The following CYFIP1 variants were observed in gnomAD, a reference collection of about 807,000 sequenced individuals.
The protein encoded by CYFIP1 is cytoplasmic FMR1 interacting protein 1.
In CYFIP1, 58 loss-of-function variants were observed where a neutral mutation model predicts 163.5. That is an observed-to-expected ratio of 0.35 (90% CI 0.29 to 0.44). The LOEUF is 0.44. Ranked by LOEUF, CYFIP1 falls within the 20% of genes least tolerant of loss-of-function variation. The pLI, the probability that CYFIP1 is intolerant of heterozygous loss-of-function variation, is 1.00. For synonymous variants in CYFIP1, 663 were observed against 660.7 expected, an observed-to-expected ratio of 1.00 and a Z score of -0.05; for missense variants, 1,338 against 1,653.8, an observed-to-expected ratio of 0.81 and a Z score of 3.31.
At chr15:22,916,046 C>T (rs983162475) in intron 16 of CYFIP1, among the ~76,000 whole-genome samples, 7 of 152,074 alleles carry the variant, frequency 4.6e-5, no homozygotes, top group African/African-American at 1.4e-4. Context: ...GGGCAGAGAG[C>T]GCACCCACCG....
chr15:22,940,971 C>T (rs141329862), intron 6 of CYFIP1, among the ~76,000 whole-genome samples: 31 of 152,252 alleles, frequency 2.0e-4, no homozygotes, highest in African/African-American at 6.7e-4. Context: ...ATCCAGGAGA[C>T]GCAGAGGTTG....
chr15:22,878,621 CA>C (rs886584350), intron 26 of CYFIP1, among the ~76,000 whole-genome samples: 1 of 147,208 alleles, frequency 6.8e-6, no homozygotes, highest in African/African-American at 2.5e-5. Flanking sequence ...GACCCCAAGG[CA>C]GGGAAAACAT....
intron 1 of CYFIP1, among the ~76,000 whole-genome samples, chr15:22,964,242 A>C (rs994039244): frequency 5.8e-4 from 64 of 110,190 alleles, no homozygotes; most frequent in Admixed American, 8.2e-4. Flanking sequence ...ACCCTACCCC[A>C]CCCCCATGCA....
chr15:22,974,942 C>G (rs1020987899), intron 1 of CYFIP1, among the ~76,000 whole-genome samples: 2 of 150,642 alleles, frequency 1.3e-5, no homozygotes, highest in Admixed American at 6.6e-5. Context: ...TTTGCCACCC[C>G]CAAGACAGCA....
chr15:22,869,972 ATAGTT>A lies in CYFIP1; in HGVS notation c.*51_*55del, dbSNP rs1407914175. ...AAATAGTCCCTAAAAATCTCACTAA[ATAGTT>A]TACGGAGAGAAAGGCATGCCATGTT... is the stretch of plus-strand genomic sequence containing the variant. On this transcript the variant is annotated 3_prime_UTR_variant, in exon 31 of 31. Transcript: ENST00000617928. The A allele has an allele frequency of 4.7e-6, 7 of 1,479,598 alleles. No individual in the cohort carries two copies. The highest frequency in any genetic ancestry group is 2.9e-5 in the African/African-American group (2 of 69,058). The allele number at this position is 1,479,598 out of a possible 1,614,324, so 91.7% of individuals were successfully genotyped here.
intron 11 of CYFIP1, among the ~76,000 whole-genome samples, chr15:22,928,910 G>A (rs982150538): frequency 7.9e-5 from 12 of 151,636 alleles, no homozygotes; most frequent in African/African-American, 2.2e-4. Flanking sequence ...TAAACACCAC[G>A]GTGTGACTTA....
Position 22,932,043 on chromosome 15 carries a change from G to C in CYFIP1, c.1110+180C>G, listed in dbSNP as rs563374338. Among the ~76,000 whole-genome samples, 3 of 152,332 alleles carry C rather than the reference G, an allele frequency of 2.0e-5. No individual in the cohort carries two copies. In the South Asian group the frequency reaches 6.2e-4, roughly 32 times the overall value. The stretch of plus-strand genomic sequence containing the variant: ...CAGGCTAGCATGAGGACACGATGAC[G>C]TTCCCACAATGATGAAACTGCCTAA... On this transcript the variant is annotated intron_variant, in intron 11 of 30. Transcript: ENST00000617928.
intron 23 of CYFIP1, among the ~76,000 whole-genome samples, chr15:22,888,983 T>C (rs1266902126): frequency 6.6e-6 from 1 of 150,976 alleles, no homozygotes; most frequent in African/African-American, 2.4e-5. Flanking sequence ...CACTGGAGGT[T>C]GCAGTGAGGC....
At chr15:22,920,537 T>C (rs1163190501) in intron 13 of CYFIP1, among the ~76,000 whole-genome samples, 1 of 129,136 alleles carries the variant, frequency 7.7e-6, no homozygotes, top group African/African-American at 2.8e-5. Context: ...ATGGCTTATA[T>C]GATTTTGGTG....
intron 9 of CYFIP1, among the ~76,000 whole-genome samples, chr15:22,936,078 CCTGGGCAACATAGGGAGATCT>C (rs1186537596): frequency 6.6e-6 from 1 of 152,000 alleles, no homozygotes; most frequent in African/African-American, 2.4e-5. Flanking sequence ...TCGAGACCAG[CCTGGGCAACATAGGGAGATCT>C]CGTTGCTACT....
At chr15:22,904,744 A>G (rs2060513020) in intron 21 of CYFIP1, 3 of 152,208 alleles carry the variant, frequency 2.0e-5, no homozygotes, top group Admixed American at 2.0e-4. Context: ...ATGCCAACAG[A>G]AACACCATGG....
At position 22,950,056 on chromosome 15, in the gene CYFIP1, A is replaced by C. The variant is rs1274878898; in HGVS notation, c.-6-2765T>G. Reference sequence around the variant, plus strand: ...TTAGAATAAATTAAAACAGAATACTATGTTTTTAAAAACCTAAAAGGAAAT... The same window carrying C: ...TTAGAATAAATTAAAACAGAATACTCTGTTTTTAAAAACCTAAAAGGAAAT... On this transcript the variant is annotated intron_variant, in intron 1 of 30. Coordinates refer to ENST00000617928, the MANE Select transcript of CYFIP1 (RefSeq NM_014608.6). Among the ~76,000 whole-genome samples the C allele has an allele frequency of 3.9e-5, 6 of 152,214 alleles. No homozygotes were observed. The East Asian group carries it at 1.2e-3, about 29-fold the overall frequency.
rs971256018 is a variant in CYFIP1, at chr15:22,869,565, T to G, written c.*463A>C. Reference sequence around the variant, plus strand: ...GAAGCAGGGGAATCAAGTTCACTATTTTCTGAAACACACAAAAAAGGGATG... The same window carrying G: ...GAAGCAGGGGAATCAAGTTCACTATGTTCTGAAACACACAAAAAAGGGATG... On this transcript the variant is annotated 3_prime_UTR_variant, in exon 31 of 31. Transcript: ENST00000617928. 6.5e-6 allele frequency: 1 copy of G among 152,742 alleles called. No individual in the cohort carries two copies. The highest frequency in any genetic ancestry group is 1.5e-5 in the Non-Finnish European group (1 of 68,468). 9.5% of individuals were successfully genotyped at this position (152,742 alleles called of 1,614,324 possible). A position where few individuals can be genotyped will look rare whatever the true frequency, so the allele number is the denominator to read the frequency against.
chr15:22,892,870 A>C lies in CYFIP1; in HGVS notation c.2676+20T>G, dbSNP rs755042542. 1 of 1,585,338 alleles carries C rather than the reference A, an allele frequency of 6.3e-7. No homozygotes were observed. Among genetic ancestry groups the C allele is most frequent in the Non-Finnish European group, 8.7e-7 (1 of 1,155,294 alleles). ...TCATTATGAGCTTCAAGCTCGTAAC[A>C]CGAACACATTGGAGCCTACCTTGGA... On this transcript the variant is annotated intron_variant, in intron 23 of 30. Transcript: ENST00000617928.
chr15:22,869,834 G>T lies in CYFIP1; in HGVS notation c.*194C>A. ...CAATCAGCAGCCAATATTCTCAAGA[G>T]TTCCTAATTACCAAAAGCATATACA... On this transcript the variant is annotated 3_prime_UTR_variant, in exon 31 of 31. Coordinates refer to ENST00000617928, the MANE Select transcript of CYFIP1 (RefSeq NM_014608.6). 1 of 459,258 alleles carries T rather than the reference G, an allele frequency of 2.2e-6. No homozygotes were observed. 28.4% of individuals were successfully genotyped at this position (459,258 alleles called of 1,614,324 possible). A position where few individuals can be genotyped will look rare whatever the true frequency, so the allele number is the denominator to read the frequency against.
Position 22,909,276 on chromosome 15 carries a change from G to C in CYFIP1, c.2306C>G (p.Thr769Ser). The C allele has an allele frequency of 6.2e-7, 1 of 1,614,182 alleles. No individual in the cohort carries two copies. Among genetic ancestry groups the C allele is most frequent in the Middle Eastern group, 1.6e-4 (1 of 6,062 alleles). ...GRSIDLNRLI[T>S]QRVSAAMYKS... ...ATACATGGCTGCTGAGACGCGCTGG[G>C]TGATCAGACGATTGAGGTCTATTGA... The change falls in exon 21 of 31, where the codon ACC becomes AGC. Residue 769 changes from threonine to serine, a missense_variant. Thr to Ser is a moderately conservative substitution (Grantham distance 58, BLOSUM62 1). Around this residue, in one of 4 missense-constraint regions of CYFIP1, gnomAD observed 824 missense variants for 995.7 expected, o/e 0.83. Transcript: ENST00000617928.
intron 1 of CYFIP1, among the ~76,000 whole-genome samples, chr15:22,967,543 C>A (rs949628242): frequency 5.9e-5 from 9 of 152,184 alleles, no homozygotes; most frequent in Non-Finnish European, 1.0e-4. Context: ...TTCACACACA[C>A]TTCCAGGGCC....
At chr15:22,921,094 G>A (rs2061160956) in intron 13 of CYFIP1, among the ~76,000 whole-genome samples, 1 of 152,154 alleles carries the variant, frequency 6.6e-6, no homozygotes. Context: ...AAGCACCCGG[G>A]CGCAGTGGCT....
chr15:22,889,757 A>T (rs989776377), intron 23 of CYFIP1, among the ~76,000 whole-genome samples: 2 of 152,142 alleles, frequency 1.3e-5, no homozygotes, highest in Admixed American at 6.5e-5. Context: ...AACCTACTTT[A>T]TTGTTATGCC....
Sources: gnomAD v4.1 joint callset for allele counts (sites outside exome capture counted in the v4.1 genomes callset) on GRCh38, gnomAD v4.1.1 for gene constraint, gnomAD v4.1.1 regional missense constraint, MANE v1.5 for transcripts, NCBI Gene and HGNC (gene_info 2026-07-23, HGNC 2026-07-21) for gene names.